SAMSN1: variants seen among roughly 807,000 people sequenced by gnomAD.
SAMSN1 encodes SAM domain, SH3 domain and nuclear localization signals 1.
A neutral mutation model predicts 42.0 loss-of-function variants in SAMSN1; 31 were observed. The ratio of observed to expected loss-of-function variants is 0.74; its 90% CI spans 0.55 to 1.00. SAMSN1 has a LOEUF of 1.00. Among genes scored for constraint, SAMSN1 ranks in the 50% least tolerant of loss-of-function variants. The pLI is 0.00. For synonymous variants in SAMSN1, 178 were observed against 151.9 expected (o/e 1.17, Z -1.26); for missense variants, 464 against 439.4 (o/e 1.06, Z -0.50).
intron 1 of SAMSN1, among the ~76,000 whole-genome samples, chr21:14,534,977 C>T (rs781234406): frequency 1.3e-5 from 2 of 152,108 alleles, no homozygotes; most frequent in Non-Finnish European, 2.9e-5. Flanking sequence ...GACAGTCCAC[C>T]TATAAATTCG....
chr21:14,623,182 C>A (rs1983061292), intron 2 of SAMSN1, among the ~76,000 whole-genome samples: 1 of 152,146 alleles, frequency 6.6e-6, no homozygotes, highest in African/African-American at 2.4e-5. Flanking sequence ...ATTGTAAAGA[C>A]CATCAATGCT....
intron 5 of SAMSN1, among the ~76,000 whole-genome samples, chr21:14,505,646 T>C (rs1459583378): frequency 6.6e-6 from 1 of 152,118 alleles, no homozygotes; most frequent in Non-Finnish European, 1.5e-5. Context: ...AACACAGTAA[T>C]AGTGGGGAAC....
chr21:14,615,418 C>T (rs1258245725), intron 3 of SAMSN1, among the ~76,000 whole-genome samples: 1 of 152,142 alleles, frequency 6.6e-6, no homozygotes, highest in Non-Finnish European at 1.5e-5. Context: ...TCAGACCAAT[C>T]CAGGGTGCAA....
chr21:14,530,661 G>A (rs557195934), intron 1 of SAMSN1, among the ~76,000 whole-genome samples: 1 of 152,156 alleles, frequency 6.6e-6, no homozygotes, highest in Non-Finnish European at 1.5e-5. Flanking sequence ...ATAGTTGGTC[G>A]ATGTTTCATG....
chr21:14,492,009 C>T (rs1986708889), intron 7 of SAMSN1, among the ~76,000 whole-genome samples: 1 of 151,894 alleles, frequency 6.6e-6, no homozygotes, highest in South Asian at 2.1e-4. Context: ...TAACATAACA[C>T]CTTCAAAACT....
intron 5 of SAMSN1, among the ~76,000 whole-genome samples, chr21:14,605,433 G>A (rs956430672): frequency 5.3e-5 from 8 of 152,106 alleles, no homozygotes; most frequent in Non-Finnish European, 1.2e-4. Context: ...AGTCTAGTTT[G>A]GCCAGAGTTA....
exon 6 of SAMSN1, chr21:14,602,025 G>T: frequency 1.5e-6 from 1 of 689,204 alleles, no homozygotes; most frequent in Non-Finnish European, 2.7e-6. Flanking sequence ...CACATTACCT[G>T]ATAGGAAGTT....
In SAMSN1 at chr21:14,508,074, T is replaced by C. The variant is rs189386860; in HGVS notation, c.561+2236A>G. On this transcript the variant is annotated intron_variant, in intron 5 of 7. Coordinates refer to ENST00000400566, the MANE Select transcript of SAMSN1 (RefSeq NM_022136.5). ...AATCATCTCAAGATGGACTAACGAC[T>C]TAAATCTAAGATCTGAAACTATAAA... 1.8e-3 allele frequency among the ~76,000 whole-genome samples: 277 copies of C among 152,288 alleles called. 1 individual carries two copies. The highest frequency in any genetic ancestry group is 3.1e-3 in the Non-Finnish European group (212 of 68,030).
chr21:14,642,017 T>C lies in SAMSN1; in HGVS notation c.156+985A>G, dbSNP rs530028973. Among the ~76,000 whole-genome samples, 93 of 152,356 alleles carry C rather than the reference T, an allele frequency of 6.1e-4. 1 individual carries two copies. Among genetic ancestry groups the C allele is most frequent in the Non-Finnish European group, 1.2e-3 (84 of 68,040 alleles). On this transcript the variant is annotated intron_variant, in intron 2 of 15. Coordinates refer to the SAMSN1 transcript ENST00000647101. ...AAGTAAGCTAGAGAAAAGAAAATGTTAATAAGAACATGAGCAAGAGAAAAT... is the reference window on the plus strand; with the variant it reads ...AAGTAAGCTAGAGAAAAGAAAATGTCAATAAGAACATGAGCAAGAGAAAAT...
At chr21:14,620,977 G>A (rs1411785138) in intron 2 of SAMSN1, among the ~76,000 whole-genome samples, 4 of 152,054 alleles carry the variant, frequency 2.6e-5, no homozygotes, top group Admixed American at 2.6e-4. Flanking sequence ...AACTAAAATG[G>A]TTATATTAAT....
At chr21:14,607,973 A>C (rs1477308164) in intron 5 of SAMSN1, among the ~76,000 whole-genome samples, 1 of 152,218 alleles carries the variant, frequency 6.6e-6, no homozygotes, top group Non-Finnish European at 1.5e-5. Context: ...TAACTGACTG[A>C]AGGTGTGGAT....
intron 1 of SAMSN1, among the ~76,000 whole-genome samples, chr21:14,538,454 G>A (rs1420998460): frequency 1.1e-4 from 16 of 152,160 alleles, no homozygotes; most frequent in Admixed American, 1.0e-3. Flanking sequence ...TAAAAATAAT[G>A]TCTACCTCCT....
At chr21:14,514,627 AAAG>A (rs1987824392) in intron 3 of SAMSN1, among the ~76,000 whole-genome samples, 1 of 152,188 alleles carries the variant, frequency 6.6e-6, no homozygotes, top group South Asian at 2.1e-4. Context: ...AAAGTGAGAA[AAAG>A]AAGGAATTTA....
intron 5 of SAMSN1, among the ~76,000 whole-genome samples, chr21:14,608,688 A>C (rs957252665): frequency 6.6e-6 from 1 of 152,116 alleles, no homozygotes; most frequent in Non-Finnish European, 1.5e-5. Flanking sequence ...CTGCATAAGG[A>C]GAGGACACAG....
chr21:14,625,467 A>C lies in SAMSN1; in HGVS notation c.157-9451T>G, dbSNP rs574162586. On this transcript the variant is annotated intron_variant, in intron 2 of 15. Transcript: ENST00000647101. ...AAATCAATGTACAAAAATCACAAGC[A>C]TTCTTATACACTAATAACAGACAAA... 2.6e-5 allele frequency among the ~76,000 whole-genome samples: 4 copies of C among 152,360 alleles called. No homozygotes were observed. The East Asian group carries it at 7.7e-4, about 29-fold the overall frequency.
At chr21:14,633,903 A>AAAACT (rs1983395610) in intron 2 of SAMSN1, among the ~76,000 whole-genome samples, 1 of 152,188 alleles carries the variant, frequency 6.6e-6, no homozygotes, top group Non-Finnish European at 1.5e-5. Flanking sequence ...GTTTGTCTTT[A>AAAACT]AAACTATGCT....
rs200178567 is a variant in SAMSN1 at position 14,516,908 on chromosome 21, G to T, written c.263C>A (p.Ala88Asp). ...AATATTTACCTTTTCCTCAGAAAGG[G>T]CTTTGATGTACTTTTTACCCACTTT... Reference protein sequence around the residue: ...KKKVGKKYIKALSEEKDEEDG... With the variant: ...KKKVGKKYIKDLSEEKDEEDG... Residue 88 changes from alanine (A) to aspartate (D), a missense_variant, in exon 3 of 8, where the codon GCC becomes GAC. Transcript: ENST00000400566. The T allele has an allele frequency of 1.9e-4, 303 of 1,608,282 alleles. No individual in the cohort carries two copies. The highest frequency in any genetic ancestry group is 2.4e-4 in the Non-Finnish European group (287 of 1,178,090).
rs190396795 is a variant in SAMSN1, at chr21:14,630,400, G to C, written c.156+12602C>G. On this transcript the variant is annotated intron_variant, in intron 2 of 15. Transcript: ENST00000647101. ...TGCTTTACAGCTTTTTTTTTTTTTA[G>C]AGATGATTAAAGAGATAACCATGGC... Among the ~76,000 whole-genome samples the C allele has an allele frequency of 3.6e-4, 53 of 147,458 alleles. No individual in the cohort carries two copies. In the East Asian group the frequency reaches 6.5e-3, roughly 18 times the overall value.
At chr21:14,539,321 G>A (rs956751145) in intron 1 of SAMSN1, among the ~76,000 whole-genome samples, 1 of 152,076 alleles carries the variant, frequency 6.6e-6, no homozygotes, top group Non-Finnish European at 1.5e-5. Context: ...AGAAATAAAG[G>A]GTATTCAATT....
Sources: gnomAD v4.1 joint callset for allele counts (sites outside exome capture counted in the v4.1 genomes callset) on GRCh38, gnomAD v4.1.1 for gene constraint, MANE v1.5 for transcripts, NCBI Gene and HGNC (gene_info 2026-07-23, HGNC 2026-07-21) for gene names.